The following HOGA1 variants were observed in gnomAD, a reference collection of about 807,000 sequenced individuals.
HOGA1 encodes 4-hydroxy-2-oxoglutarate aldolase, mitochondrial.
Under a neutral mutation model 34.3 loss-of-function variants are expected in HOGA1, and 30 were observed. The observed-to-expected ratio is 0.87, with a 90% confidence interval of 0.65 to 1.19. HOGA1 has a LOEUF of 1.19. Among genes scored for constraint, HOGA1 ranks in the 50% most tolerant of loss-of-function variants. The probability of loss-of-function intolerance (pLI) is 0.00; values close to 1 mark genes in which losing one functional copy is unlikely to be tolerated. For missense variants in HOGA1, 417 were observed against 436.5 expected (o/e 0.96, Z 0.40); for synonymous variants, 161 against 174.0 (o/e 0.93, Z 0.59).
At chr10:97,586,933 C>G (rs1406444317) in intron 1 of HOGA1, among the ~76,000 whole-genome samples, 1 of 152,184 alleles carries the variant, frequency 6.6e-6, no homozygotes, top group Non-Finnish European at 1.5e-5. Flanking sequence ...AGTTAGAGGA[C>G]CTGGGCAAGA....
Position 97,598,760 on chromosome 10 carries a change from CTG to C in HOGA1, c.212-11_212-10del. ...TAGAGGATGGGAAGGAGTTAGTCAG[CTG>C]TGTCTCTTGCAGGCTTCGTGGTCCA... On this transcript the variant is annotated splice_polypyrimidine_tract_variant and intron_variant, in intron 1 of 6. Transcript: ENST00000370646. The C allele has an allele frequency of 6.2e-7, 1 of 1,614,208 alleles. No individual in the cohort carries two copies.
chr10:97,591,127 G>A (rs982218890), intron 1 of HOGA1, among the ~76,000 whole-genome samples: 23 of 152,088 alleles, frequency 1.5e-4, no homozygotes, highest in African/African-American at 3.9e-4. Context: ...ACCTCTAGAC[G>A]TCTCAACACC....
intron 1 of HOGA1, among the ~76,000 whole-genome samples, chr10:97,594,673 T>C (rs1206201291): frequency 6.6e-6 from 1 of 151,868 alleles, no homozygotes; most frequent in African/African-American, 2.4e-5. Context: ...TTTTTTTTAG[T>C]AGAGACAGGG....
intron 1 of HOGA1, chr10:97,589,983 CA>C (rs2041005113): frequency 7.4e-6 from 12 of 1,614,114 alleles, no homozygotes; most frequent in Non-Finnish European, 1.0e-5. Context: ...TCCCATAAAG[CA>C]AAGAATGAAA....
intron 6 of HOGA1, among the ~76,000 whole-genome samples, chr10:97,605,410 C>A (rs1461871032): frequency 2.4e-4 from 34 of 142,206 alleles, no homozygotes; most frequent in South Asian, 4.6e-4. Context: ...GATCCTGTCT[C>A]AAAAAAAAAA....
intron 3 of HOGA1, 98 bp from the exon 4 acceptor site, chr10:97,599,582 T>C: frequency 6.7e-7 from 1 of 1,499,724 alleles, no homozygotes; most frequent in Non-Finnish European, 9.2e-7. Context: ...GGTGGCCCTG[T>C]AGTGAAGCAG....
rs1343658643 is a variant in HOGA1, at chr10:97,612,013, TCTTTTC to T, written c.*355_*360del. ...GCAAGTAGGCACAGTAAGGGAATTT[TCTTTTC>T]TTTTTTTTTTTTTTTGAGACAGAGT... On this transcript the variant is annotated 3_prime_UTR_variant, in exon 7 of 7. Coordinates refer to ENST00000370646, the MANE Select transcript of HOGA1 (RefSeq NM_138413.4). 5.9e-5 allele frequency: 12 copies of T among 202,624 alleles called. 1 individual carries two copies. Among genetic ancestry groups the T allele is most frequent in the East Asian group, 1.2e-4 (1 of 8,196 alleles). The allele number at this position is 202,624 out of a possible 1,614,324, so 12.6% of individuals were successfully genotyped here.
At chr10:97,592,985 G>A (rs1177897684) in intron 1 of HOGA1, among the ~76,000 whole-genome samples, 1 of 136,836 alleles carries the variant, frequency 7.3e-6, no homozygotes, top group Non-Finnish European at 1.5e-5. Context: ...AACAGTGATC[G>A]CTCCACTGCA....
chr10:97,595,748 T>A (rs1312932477), intron 1 of HOGA1, among the ~76,000 whole-genome samples: 1 of 152,206 alleles, frequency 6.6e-6, no homozygotes, highest in Non-Finnish European at 1.5e-5. Flanking sequence ...CACTATTTTT[T>A]AATTGAGTTA....
chr10:97,588,832 C>G (rs2040993310), intron 1 of HOGA1, among the ~76,000 whole-genome samples: 1 of 152,076 alleles, frequency 6.6e-6, no homozygotes, highest in Admixed American at 6.5e-5. Flanking sequence ...TTTACAACCC[C>G]ATTTTGGCAT....
chr10:97,600,931 C>T (rs898003068), intron 5 of HOGA1: 1 of 152,068 alleles, frequency 6.6e-6, no homozygotes, highest in Non-Finnish European at 1.5e-5. Context: ...TCCCTCATTC[C>T]TGGAAGTGGA....
chr10:97,587,581 C>T (rs1287611706), intron 1 of HOGA1, among the ~76,000 whole-genome samples: 1 of 151,922 alleles, frequency 6.6e-6, no homozygotes, highest in African/African-American at 2.4e-5. Flanking sequence ...TGATTTGCCT[C>T]ACTGAAACCT....
At chr10:97,611,300 A>T (rs547544804) in intron 6 of HOGA1, among the ~76,000 whole-genome samples, 2 of 152,270 alleles carry the variant, frequency 1.3e-5, no homozygotes, top group South Asian at 4.1e-4. Flanking sequence ...TTCTTCCCCA[A>T]TCTGAAGTTT....
In HOGA1 at chr10:97,603,378, C is replaced by G. The variant is rs1239707783; in HGVS notation, c.834+1388C>G. ...GCAACCTCAATGTCCTGGGCTTAAGCAATCTTTTTAATTTTTTATTTTTAT... is the reference window on the plus strand; with the variant it reads ...GCAACCTCAATGTCCTGGGCTTAAGGAATCTTTTTAATTTTTTATTTTTAT... On this transcript the variant is annotated intron_variant, in intron 6 of 6. Coordinates refer to ENST00000370646, the MANE Select transcript of HOGA1 (RefSeq NM_138413.4). The surrounding 1 kb of genome is among the most constrained non-coding windows in gnomAD (Gnocchi z 4.5). Among the ~76,000 whole-genome samples, 1 of 151,736 alleles carries G rather than the reference C, an allele frequency of 6.6e-6. No individual in the cohort carries two copies. The highest frequency in any genetic ancestry group is 2.4e-5 in the African/African-American group (1 of 41,292).
chr10:97,599,146 C>T lies in HOGA1; in HGVS notation c.398C>T (p.Ala133Val), dbSNP rs374367160. The T allele has an allele frequency of 2.1e-5, 34 of 1,613,722 alleles. No homozygotes were observed. In the Middle Eastern group the frequency reaches 8.2e-4, roughly 39 times the overall value. Reference protein sequence around the residue: ...VSMAQVGADAAMVVTPCYYRG... With the variant: ...VSMAQVGADAVMVVTPCYYRG... ...ATGGCCCAGGTCGGGGCTGACGCGG[C>T]CATGGTGGTGACCCCTTGCTACTAT... is the stretch of plus-strand genomic sequence containing the variant. Residue 133 changes from alanine (A) to valine (V), a missense_variant, in exon 3 of 7, where the codon GCC (alanine) becomes GTC (valine). Physicochemically the swap from Ala to Val is moderately conservative, Grantham distance 64. Transcript: ENST00000370646.
chr10:97,610,506 C>T (rs1052897827), intron 6 of HOGA1, among the ~76,000 whole-genome samples: 2 of 151,980 alleles, frequency 1.3e-5, no homozygotes, highest in Non-Finnish European at 2.9e-5. Flanking sequence ...TAAATTATTA[C>T]GGGTGCAGTG....
chr10:97,590,055 C>G (rs548541319), intron 1 of HOGA1: 2 of 1,614,156 alleles, frequency 1.2e-6, no homozygotes, highest in Admixed American at 3.3e-5. Flanking sequence ...GACAACAATG[C>G]CAGCGCTAGT....
rs1229117033 is a variant in HOGA1 at position 97,611,618 on chromosome 10, G to A, written c.943G>A (p.Glu315Lys). Residue 315 changes from glutamate to lysine, a missense_variant, in exon 7 of 7, where the codon GAG becomes AAG. Glu to Lys is a moderately conservative substitution (Grantham distance 56). Transcript: ENST00000370646. ...GCAGGAGCTGAGCCCCGCTGAGGAGGAGGCACTGCGCATGGATTTCACCAG... is the reference window on the plus strand; with the variant it reads ...GCAGGAGCTGAGCCCCGCTGAGGAGAAGGCACTGCGCATGGATTTCACCAG... ...PLQELSPAEE[E>K]ALRMDFTSNG... is the part of the protein sequence containing the mutation. 6.2e-7 allele frequency: 1 copy of A among 1,614,004 alleles called. No homozygotes were observed. Among genetic ancestry groups the A allele is most frequent in the Non-Finnish European group, 8.5e-7 (1 of 1,180,050 alleles).
At chr10:97,596,917 G>C (rs775340802) in intron 1 of HOGA1, among the ~76,000 whole-genome samples, 3 of 152,062 alleles carry the variant, frequency 2.0e-5, no homozygotes, top group Non-Finnish European at 4.4e-5. Context: ...GTTTCTCCGG[G>C]GCAGTTGCTT....
Sources: allele counts gnomAD v4.1 joint callset (sites outside exome capture counted in the v4.1 genomes callset), GRCh38; gene constraint gnomAD v4.1.1; non-coding constraint Gnocchi (gnomAD v3.1); transcripts MANE v1.5; gene names NCBI Gene and HGNC (gene_info 2026-07-23, HGNC 2026-07-21).